SAP130: variants seen among roughly 807,000 people sequenced by gnomAD.
SAP130 encodes the protein histone deacetylase complex subunit SAP130.
Under a neutral mutation model 103.2 loss-of-function variants are expected in SAP130, and 16 were observed. The ratio of observed to expected loss-of-function variants is 0.16; its 90% confidence interval spans 0.10 to 0.24. SAP130 has a LOEUF of 0.24. Ranked by LOEUF, SAP130 falls within the 10% of genes least tolerant of loss-of-function variation. The probability of loss-of-function intolerance (pLI) is 1.00; values close to 1 mark genes in which losing one functional copy is unlikely to be tolerated. For missense variants in SAP130, 990 were observed against 1,359.7 expected (o/e 0.73, Z 4.28); for synonymous variants, 477 against 497.0 (o/e 0.96, Z 0.53).
rs569188637 is a variant in SAP130, at chr2:127,961,540, A to T, written c.2064-6196T>A. Among the ~76,000 whole-genome samples, 35 of 145,500 alleles carry T rather than the reference A, an allele frequency of 2.4e-4. No homozygotes were observed. The East Asian group carries it at 6.4e-3, about 27-fold the overall frequency. The stretch of plus-strand genomic sequence containing the variant: ...TGCTTTTTTTTTTTTTTTTGACTCA[A>T]TTGGGTTGCTTTTTTGACTTGTAAC... On this transcript the variant is annotated intron_variant, in intron 15 of 20. Transcript: ENST00000643581.
intron 14 of SAP130, 40 bp from the exon 15 acceptor site, chr2:127,978,129 A>G: frequency 1.4e-6 from 2 of 1,428,202 alleles, no homozygotes; most frequent in Non-Finnish European, 9.7e-7. Flanking sequence ...ACAGCAGTCC[A>G]AGGGCATTCA....
chr2:128,007,208 G>A (rs1014379796), intron 7 of SAP130, among the ~76,000 whole-genome samples: 1 of 152,082 alleles, frequency 6.6e-6, no homozygotes, highest in Non-Finnish European at 1.5e-5. Flanking sequence ...ATATTCAAAG[G>A]GGAAAACAAT....
chr2:127,950,912 G>A (rs905337885), intron 16 of SAP130, among the ~76,000 whole-genome samples: 1 of 152,200 alleles, frequency 6.6e-6, no homozygotes, highest in South Asian at 2.1e-4. Flanking sequence ...ATAATTTGAT[G>A]AAGTCCACAC....
chr2:127,962,845 T>TG lies in SAP130; in HGVS notation c.2064-7502_2064-7501insC, dbSNP rs540421981. Among the ~76,000 whole-genome samples, 295 of 151,930 alleles carry TG rather than the reference T, an allele frequency of 1.9e-3. 3 individuals carry two copies. The highest frequency in any genetic ancestry group is 6.7e-3 in the African/African-American group (278 of 41,428). ...TATACATATGTAACAAACCTGCACG[T>TG]TGTGCACATGTACCCTAAAACTTAA... On this transcript the variant is annotated intron_variant, in intron 15 of 20. Coordinates refer to ENST00000643581, the MANE Select transcript of SAP130 (RefSeq NM_001330301.2).
At chr2:127,966,922 G>A (rs1479085052) in intron 15 of SAP130, among the ~76,000 whole-genome samples, 2 of 152,038 alleles carry the variant, frequency 1.3e-5, no homozygotes, top group Non-Finnish European at 2.9e-5. Context: ...AATCTAGTTT[G>A]CATTGATACC....
intron 18 of SAP130, among the ~76,000 whole-genome samples, chr2:127,947,070 GAGA>G (rs2104702283): frequency 6.6e-6 from 1 of 151,582 alleles, no homozygotes; most frequent in East Asian, 1.9e-4. Context: ...GAGAGACACA[GAGA>G]AGAATGCCAT....
chr2:127,942,220 T>C lies in SAP130; in HGVS notation c.3016-56A>G, dbSNP rs1346739727. ...GTGACCATGAGGATAGTACAGCTTT[T>C]AAAAAACTGCTTGCCTTTGGGCAGA... On this transcript the variant is annotated intron_variant, in intron 20 of 20. Coordinates refer to ENST00000643581, the MANE Select transcript of SAP130 (RefSeq NM_001330301.2). This position sits in a 1 kb window ranked among gnomAD's most constrained non-coding sequence, Gnocchi z 4.8. 2 of 1,497,468 alleles carry C rather than the reference T, an allele frequency of 1.3e-6. No homozygotes were observed. Among genetic ancestry groups the C allele is most frequent in the African/African-American group, 1.4e-5 (1 of 71,438 alleles). 92.8% of individuals were successfully genotyped at this position (1,497,468 alleles called of 1,614,324 possible).
At chr2:127,965,105 G>A (rs1680561358) in intron 15 of SAP130, among the ~76,000 whole-genome samples, 1 of 151,978 alleles carries the variant, frequency 6.6e-6, no homozygotes, top group Admixed American at 6.6e-5. Context: ...GACCATCCTG[G>A]CCAACATGGT....
intron 15 of SAP130, among the ~76,000 whole-genome samples, chr2:127,962,649 G>T (rs941325918): frequency 6.7e-6 from 1 of 149,036 alleles, no homozygotes; most frequent in Non-Finnish European, 1.5e-5. Flanking sequence ...AATACCGCAT[G>T]TTCTCACTCA....
intron 14 of SAP130, among the ~76,000 whole-genome samples, chr2:127,985,406 A>G (rs1265946030): frequency 1.3e-5 from 2 of 152,182 alleles, no homozygotes; most frequent in African/African-American, 2.4e-5. Context: ...ACTTGCTTTA[A>G]TCTTTTGATG....
At chr2:127,959,729 C>T (rs375301009) in intron 15 of SAP130, among the ~76,000 whole-genome samples, 7 of 152,140 alleles carry the variant, frequency 4.6e-5, no homozygotes, top group African/African-American at 1.4e-4. Flanking sequence ...AAGCAAATTA[C>T]CTGACAAGGA....
intron 10 of SAP130, among the ~76,000 whole-genome samples, chr2:127,998,122 A>G (rs1683299717): frequency 6.6e-6 from 1 of 151,582 alleles, no homozygotes; most frequent in Non-Finnish European, 1.5e-5. Flanking sequence ...AAAAAAAAAG[A>G]AAAAAAACCA....
chr2:128,005,450 A>G (rs979961342), intron 7 of SAP130, among the ~76,000 whole-genome samples: 5 of 151,854 alleles, frequency 3.3e-5, no homozygotes, highest in Admixed American at 2.0e-4. Context: ...ACCCCCATCT[A>G]CTAAAAATAC....
intron 14 of SAP130, among the ~76,000 whole-genome samples, chr2:127,984,196 G>A (rs184870137): frequency 2.0e-5 from 3 of 152,088 alleles, no homozygotes; most frequent in East Asian, 1.9e-4. Context: ...TTTCAGGACC[G>A]GTTCTTTTCT....
At chr2:128,027,841 C>T (rs2105281509) in intron 1 of SAP130, 99 bp downstream of exon 1, 3 of 797,664 alleles carry the variant, frequency 3.8e-6, no homozygotes, top group Non-Finnish European at 4.6e-6. Flanking sequence ...CTCTGCCCTT[C>T]CCCGGGGACG....
At chr2:127,976,683 G>A (rs548802947) in intron 15 of SAP130, among the ~76,000 whole-genome samples, 10 of 152,318 alleles carry the variant, frequency 6.6e-5, no homozygotes, top group African/African-American at 1.7e-4. Flanking sequence ...AGGCCAAGGC[G>A]GGCGGTTCAC....
intron 15 of SAP130, among the ~76,000 whole-genome samples, chr2:127,965,273 G>A (rs941444780): frequency 6.6e-6 from 1 of 152,118 alleles, no homozygotes; most frequent in Admixed American, 6.5e-5. Flanking sequence ...CTCCAGCCTG[G>A]CAACAGAGCG....
intron 15 of SAP130, among the ~76,000 whole-genome samples, chr2:127,961,931 A>G (rs1261811390): frequency 6.6e-6 from 1 of 152,122 alleles, no homozygotes; most frequent in Non-Finnish European, 1.5e-5. Context: ...CTGTCCAGGG[A>G]GCAGCAAGCC....
At chr2:127,976,018 G>T (rs1451981000) in intron 15 of SAP130, among the ~76,000 whole-genome samples, 1 of 152,028 alleles carries the variant, frequency 6.6e-6, no homozygotes, top group Non-Finnish European at 1.5e-5. Flanking sequence ...CTAATTTTTT[G>T]TGTGTTTTTA....
Sources: gnomAD v4.1 joint callset for allele counts (sites outside exome capture counted in the v4.1 genomes callset) on GRCh38, gnomAD v4.1.1 for gene constraint, Gnocchi (gnomAD v3.1) non-coding constraint, MANE v1.5 for transcripts, NCBI Gene and HGNC (gene_info 2026-07-23, HGNC 2026-07-21) for gene names.